Variants in MAST4 observed in about 807,000 individuals in gnomAD.
The protein encoded by MAST4 is microtubule associated serine/threonine kinase family member 4, also known as microtubule-associated serine/threonine-protein kinase 4.
In MAST4, 89 loss-of-function variants were observed where a neutral mutation model predicts 162.7. That is an observed-to-expected ratio of 0.55 (90% confidence interval 0.46 to 0.65). MAST4 has a LOEUF of 0.65. Ranked by LOEUF, MAST4 falls within the 30% of genes least tolerant of loss-of-function variation. MAST4 has a pLI of 0.00. For missense variants in MAST4, 3,153 were observed against 3,374.0 expected (o/e 0.93, Z 1.62); for synonymous variants, 1,479 against 1,361.1 (o/e 1.09, Z -1.91).
intron 1 of MAST4, among the ~76,000 whole-genome samples, chr5:66,606,954 C>A (rs1742932519): frequency 6.6e-6 from 1 of 151,570 alleles, no homozygotes; most frequent in Non-Finnish European, 1.5e-5. Flanking sequence ...TATGAATATA[C>A]TCATTTAAAT....
chr5:67,062,580 T>A (rs926606199), intron 5 of MAST4, among the ~76,000 whole-genome samples: 1 of 152,196 alleles, frequency 6.6e-6, no homozygotes, highest in African/African-American at 2.4e-5. Context: ...GGCAATGACC[T>A]CCTTTAGCTG....
At chr5:67,144,199 A>G (rs1770761063) in intron 21 of MAST4, among the ~76,000 whole-genome samples, 1 of 152,082 alleles carries the variant, frequency 6.6e-6, no homozygotes, top group South Asian at 2.1e-4. Context: ...CAGTCTTGAA[A>G]CAGATAATTT....
intron 1 of MAST4, among the ~76,000 whole-genome samples, chr5:66,670,603 A>G (rs562572874): frequency 2.0e-5 from 3 of 152,302 alleles, no homozygotes; most frequent in Admixed American, 6.5e-5. Context: ...GAAAAATATT[A>G]AGCAAGAAAT....
chr5:67,166,952 T>C lies in MAST4; in HGVS notation c.7773T>C (p.Thr2591=), dbSNP rs1250889678. Residue 2591 remains threonine, a synonymous_variant, in exon 29 of 29, where the codon ACT becomes ACC. Transcript: ENST00000403625. ...DVTKPSPAPN[T]DRPISLSNEK... is the part of the protein sequence containing the mutation. Reference sequence around the variant, plus strand: ...CCAAGCCATCCCCAGCCCCAAACACTGACCGCCCCATCTCTCTTTCTAATG... The same window carrying C: ...CCAAGCCATCCCCAGCCCCAAACACCGACCGCCCCATCTCTCTTTCTAATG... 6.2e-7 allele frequency: 1 copy of C among 1,612,282 alleles called. No homozygotes were observed. Among genetic ancestry groups the C allele is most frequent in the Non-Finnish European group, 8.5e-7 (1 of 1,179,676 alleles).
chr5:66,737,096 G>T (rs867123576), intron 1 of MAST4, among the ~76,000 whole-genome samples: 34 of 152,282 alleles, frequency 2.2e-4, no homozygotes, highest in Admixed American at 3.9e-4. Flanking sequence ...CTTAAAAAAA[G>T]TTTTATCCCA....
chr5:66,912,416 G>A (rs1163908981), intron 4 of MAST4, among the ~76,000 whole-genome samples: 1 of 152,194 alleles, frequency 6.6e-6, no homozygotes, highest in African/African-American at 2.4e-5. Flanking sequence ...TTTTTCTTAT[G>A]TCTAGAATAA....
chr5:66,925,590 T>C (rs1196997466), intron 4 of MAST4, among the ~76,000 whole-genome samples: 2 of 152,152 alleles, frequency 1.3e-5, no homozygotes, highest in African/African-American at 4.8e-5. Context: ...TATAGAGTGA[T>C]TTATTGATCA....
At chr5:66,959,038 T>C (rs576040706) in intron 4 of MAST4, 5 of 559,128 alleles carry the variant, frequency 8.9e-6, no homozygotes, top group South Asian at 2.4e-5. Context: ...ATCAGTGCAG[T>C]GTGCACTGCC....
At chr5:66,875,094 C>A (rs929041212) in intron 3 of MAST4, among the ~76,000 whole-genome samples, 1 of 152,114 alleles carries the variant, frequency 6.6e-6, no homozygotes, top group Admixed American at 6.5e-5. Flanking sequence ...CCTTATTATG[C>A]ACTGAGTTTC....
At chr5:66,640,637 G>C (rs759492268) in intron 1 of MAST4, among the ~76,000 whole-genome samples, 2 of 152,204 alleles carry the variant, frequency 1.3e-5, no homozygotes, top group African/African-American at 4.8e-5. Flanking sequence ...GTCAGTTGAT[G>C]AACACTCAGA....
intron 4 of MAST4, among the ~76,000 whole-genome samples, chr5:66,935,693 A>G (rs1742670452): frequency 6.8e-6 from 1 of 147,308 alleles, no homozygotes; most frequent in Non-Finnish European, 1.5e-5. Context: ...TTTTTGAGAC[A>G]GTCTCGCTCT....
At chr5:66,841,257 A>T (rs1171628703) in intron 3 of MAST4, among the ~76,000 whole-genome samples, 1 of 152,134 alleles carries the variant, frequency 6.6e-6, no homozygotes, top group Non-Finnish European at 1.5e-5. Flanking sequence ...CTTGCATCAT[A>T]TGGCTTTCCC....
chr5:66,868,429 G>A (rs192640292), intron 3 of MAST4, among the ~76,000 whole-genome samples: 27 of 147,694 alleles, frequency 1.8e-4, no homozygotes, highest in Middle Eastern at 3.7e-3. Flanking sequence ...GTATATATAT[G>A]TATATACATA....
chr5:66,929,337 C>CT (rs1404220156), intron 4 of MAST4, among the ~76,000 whole-genome samples: 1 of 152,112 alleles, frequency 6.6e-6, no homozygotes, highest in Non-Finnish European at 1.5e-5. Flanking sequence ...TTTCCTCAGT[C>CT]TTTTTTGTTC....
chr5:67,125,336 G>T (rs1365828552), intron 14 of MAST4, among the ~76,000 whole-genome samples: 1 of 151,676 alleles, frequency 6.6e-6, no homozygotes, highest in Non-Finnish European at 1.5e-5. Context: ...ACATGCCACG[G>T]TGGTTTGCTG....
chr5:66,731,893 C>T (rs971376262), intron 1 of MAST4, among the ~76,000 whole-genome samples: 2 of 152,138 alleles, frequency 1.3e-5, no homozygotes, highest in Non-Finnish European at 1.5e-5. Flanking sequence ...CACCCTTGCT[C>T]CCCACAAGTA....
intron 3 of MAST4, among the ~76,000 whole-genome samples, chr5:66,811,565 C>T (rs988749872): frequency 5.3e-5 from 8 of 152,166 alleles, no homozygotes; most frequent in South Asian, 2.1e-4. Flanking sequence ...GGGAAAGCCT[C>T]GGAGTATTTC....
intron 1 of MAST4, among the ~76,000 whole-genome samples, chr5:66,621,720 G>A (rs375074827): frequency 2.7e-4 from 41 of 152,102 alleles, no homozygotes; most frequent in African/African-American, 7.5e-4. Flanking sequence ...ACTGTGCATC[G>A]GGTACTGTTA....
intron 4 of MAST4, among the ~76,000 whole-genome samples, chr5:66,904,661 C>A (rs17283091): frequency 0.14 from 21,755 of 152,052 alleles, 1,813 homozygotes; most frequent in South Asian, 0.22. Flanking sequence ...TCTGGCCACA[C>A]CTGCTTGATT....
Sources: gnomAD v4.1 joint callset for allele counts (sites outside exome capture counted in the v4.1 genomes callset) on GRCh38, gnomAD v4.1.1 for gene constraint, MANE v1.5 for transcripts, NCBI Gene and HGNC (gene_info 2026-07-23, HGNC 2026-07-21) for gene names.